The following SLC35F1 variants were observed in gnomAD, a reference collection of about 807,000 sequenced individuals.
The protein encoded by SLC35F1 is solute carrier family 35 member F1.
In SLC35F1, 14 loss-of-function variants were observed where a neutral mutation model predicts 48.7. The observed-to-expected ratio is 0.29, with a 90% CI of 0.19 to 0.45. The LOEUF (loss-of-function observed/expected upper bound fraction) is 0.45. Ranked by LOEUF, SLC35F1 falls within the 20% of genes least tolerant of loss-of-function variation. The probability of loss-of-function intolerance (pLI) is 1.00; values close to 1 mark genes in which losing one functional copy is unlikely to be tolerated. For synonymous variants in SLC35F1, 190 were observed against 202.2 expected (o/e 0.94, Z 0.51); for missense variants, 404 against 500.0 (o/e 0.81, Z 1.83).
Position 118,085,617 on chromosome 6 carries a change from T to A in SLC35F1, c.174-68828T>A, listed in dbSNP as rs939108975. Among the ~76,000 whole-genome samples, 11 of 149,576 alleles carry A rather than the reference T, an allele frequency of 7.4e-5. No homozygotes were observed. The Admixed American group carries it at 7.5e-4, about 10-fold the overall frequency. ...CCTCAGCCTCCTGAATAGCTGGGGT[T>A]ATAGACATGTACCACCACCAGACTA... On this transcript the variant is annotated intron_variant, in intron 1 of 7. Coordinates refer to ENST00000360388, the MANE Select transcript of SLC35F1 (RefSeq NM_001029858.4).
chr6:118,280,751 G>T (rs1441120296), intron 6 of SLC35F1, among the ~76,000 whole-genome samples: 2 of 151,852 alleles, frequency 1.3e-5, no homozygotes, highest in Non-Finnish European at 2.9e-5. Flanking sequence ...GGTGGTGCAT[G>T]CCTGTAGTCC....
At chr6:118,031,716 A>G (rs765859738) in intron 1 of SLC35F1, among the ~76,000 whole-genome samples, 1 of 152,220 alleles carries the variant, frequency 6.6e-6, no homozygotes. Context: ...TGCTGCGAGT[A>G]GCAGCACAGG....
intron 1 of SLC35F1, among the ~76,000 whole-genome samples, chr6:117,922,148 C>T (rs1387342730): frequency 2.0e-5 from 3 of 152,070 alleles, no homozygotes; most frequent in Non-Finnish European, 4.4e-5. Flanking sequence ...TATTCCACCA[C>T]CAAGAGTGGT....
intron 1 of SLC35F1, among the ~76,000 whole-genome samples, chr6:118,099,207 T>C (rs2114360798): frequency 6.6e-6 from 1 of 152,342 alleles, no homozygotes; most frequent in Non-Finnish European, 1.5e-5. Context: ...CCTCACTTGC[T>C]GTGAAAAATC....
intron 1 of SLC35F1, among the ~76,000 whole-genome samples, chr6:118,102,462 T>A (rs1272967707): frequency 6.6e-6 from 1 of 152,208 alleles, no homozygotes; most frequent in East Asian, 1.9e-4. Context: ...ATTATAGGCA[T>A]AAGCCACTGT....
In SLC35F1 at chr6:118,281,202, C is replaced by CTATATATATA. The variant is rs1385900669; in HGVS notation, c.847+3657_847+3658insATATATATAT. On this transcript the variant is annotated intron_variant, in intron 6 of 7. Coordinates refer to ENST00000360388, the MANE Select transcript of SLC35F1 (RefSeq NM_001029858.4). ...TCTCTCTCTCTCTCTCTCTCTCTCT[C>CTATATATATA]TCTATATATATATATATATAAAATA... 2.2e-3 allele frequency among the ~76,000 whole-genome samples: 281 copies of CTATATATATA among 127,264 alleles called. 2 individuals carry two copies. Among genetic ancestry groups the CTATATATATA allele is most frequent in the African/African-American group, 6.4e-3 (218 of 33,838 alleles). 83.5% of individuals were successfully genotyped at this position (127,264 alleles called of 152,430 possible). A position where few individuals can be genotyped will look rare whatever the true frequency, so the allele number is the denominator to read the frequency against.
At chr6:118,183,437 A>G (rs190959621) in intron 2 of SLC35F1, among the ~76,000 whole-genome samples, 4 of 152,238 alleles carry the variant, frequency 2.6e-5, no homozygotes, top group Non-Finnish European at 4.4e-5. Flanking sequence ...ACATGTATAC[A>G]TATGTAACTA....
At chr6:117,941,606 T>C (rs1186525943) in intron 1 of SLC35F1, among the ~76,000 whole-genome samples, 1 of 152,242 alleles carries the variant, frequency 6.6e-6, no homozygotes, top group African/African-American at 2.4e-5. Context: ...ATTTCATTCT[T>C]TTCTTTTATA....
intron 3 of SLC35F1, among the ~76,000 whole-genome samples, chr6:118,247,730 C>A (rs1775526685): frequency 6.8e-6 from 1 of 147,604 alleles, no homozygotes; most frequent in African/African-American, 2.7e-5. Context: ...ATTCTTAGAA[C>A]CAATGGACAA....
chr6:117,967,818 G>A (rs866674546), intron 1 of SLC35F1, among the ~76,000 whole-genome samples: 2 of 152,134 alleles, frequency 1.3e-5, no homozygotes, highest in Non-Finnish European at 2.9e-5. Context: ...ACTTGGGGGA[G>A]CCATTTCAAT....
At chr6:117,909,078 G>C (rs927922341) in intron 1 of SLC35F1, among the ~76,000 whole-genome samples, 8 of 152,178 alleles carry the variant, frequency 5.3e-5, no homozygotes, top group African/African-American at 1.9e-4. Flanking sequence ...GAATTAATGC[G>C]TGCGTTAGTT....
intron 1 of SLC35F1, among the ~76,000 whole-genome samples, chr6:117,963,986 C>G (rs2114837321): frequency 6.6e-6 from 1 of 152,270 alleles, no homozygotes; most frequent in East Asian, 1.9e-4. Flanking sequence ...GTACCCCTGA[C>G]AGGTTCCAGT....
chr6:117,997,884 A>G (rs1777020060), intron 1 of SLC35F1, among the ~76,000 whole-genome samples: 1 of 152,170 alleles, frequency 6.6e-6, no homozygotes, highest in South Asian at 2.1e-4. Context: ...CAAAATAACC[A>G]GCTAACATCA....
intron 1 of SLC35F1, among the ~76,000 whole-genome samples, chr6:117,923,800 T>G (rs1028982332): frequency 5.0e-5 from 7 of 139,470 alleles, no homozygotes; most frequent in Non-Finnish European, 1.6e-5. Flanking sequence ...TGTACATATA[T>G]ACATATACAC....
chr6:118,004,141 G>A (rs1330568213), intron 1 of SLC35F1, among the ~76,000 whole-genome samples: 1 of 152,100 alleles, frequency 6.6e-6, no homozygotes, highest in Non-Finnish European at 1.5e-5. Context: ...TATGCACCAG[G>A]CCACCTTCAA....
At chr6:118,297,086 A>G (rs1424745050) in intron 7 of SLC35F1, among the ~76,000 whole-genome samples, 3 of 152,216 alleles carry the variant, frequency 2.0e-5, no homozygotes, top group South Asian at 2.1e-4. Flanking sequence ...TTTCAACTCT[A>G]TATTTAAAGT....
intron 2 of SLC35F1, among the ~76,000 whole-genome samples, chr6:118,183,580 G>A (rs1414395405): frequency 1.3e-5 from 2 of 151,980 alleles, no homozygotes; most frequent in African/African-American, 4.8e-5. Context: ...ATTAAGAGTA[G>A]AAGTCAATAC....
At chr6:118,031,848 G>T (rs1389247648) in intron 1 of SLC35F1, among the ~76,000 whole-genome samples, 1 of 152,144 alleles carries the variant, frequency 6.6e-6, no homozygotes, top group African/African-American at 2.4e-5. Context: ...TATGGAAAGG[G>T]GTGGTAACTC....
chr6:118,094,917 G>A (rs544984115), intron 1 of SLC35F1, among the ~76,000 whole-genome samples: 18 of 151,476 alleles, frequency 1.2e-4, no homozygotes, highest in South Asian at 2.1e-4. Flanking sequence ...GCAGTCAGCC[G>A]AGATCGTGCC....
Sources: gnomAD v4.1 joint callset for allele counts (sites outside exome capture counted in the v4.1 genomes callset) on GRCh38, gnomAD v4.1.1 for gene constraint, MANE v1.5 for transcripts, NCBI Gene and HGNC (gene_info 2026-07-23, HGNC 2026-07-21) for gene names.